Variants in ARHGAP25 observed in about 807,000 individuals in gnomAD.
The protein encoded by ARHGAP25 is rho GTPase-activating protein 25.
In ARHGAP25, 34 loss-of-function variants were observed where a neutral mutation model predicts 71.0. The ratio of observed to expected loss-of-function variants is 0.48; its 90% CI spans 0.36 to 0.64. The LOEUF is 0.64. Ranked by LOEUF, ARHGAP25 falls within the 30% of genes least tolerant of loss-of-function variation. The probability of loss-of-function intolerance (pLI) is 0.00; values close to 1 mark genes in which losing one functional copy is unlikely to be tolerated. For synonymous variants in ARHGAP25, 282 were observed against 296.5 expected (o/e 0.95, Z 0.50); for missense variants, 706 against 805.1 (o/e 0.88, Z 1.49).
At chr2:68,719,729 A>G (rs1053258574) in intron 2 of ARHGAP25, among the ~76,000 whole-genome samples, 7 of 152,130 alleles carry the variant, frequency 4.6e-5, no homozygotes, top group African/African-American at 1.7e-4. Context: ...TTACATATAC[A>G]TGAAACCTAC....
chr2:68,769,636 CGACAAAGGCTACGATACACAGGT>C, intron 1 of ARHGAP25, among the ~76,000 whole-genome samples: 1 of 152,212 alleles, frequency 6.6e-6, no homozygotes, highest in East Asian at 1.9e-4. Flanking sequence ...CCAAGCAAGG[CGACAAAGGCTACGATACACAGGT>C]GTCTCCACTG....
intron 4 of ARHGAP25, among the ~76,000 whole-genome samples, chr2:68,796,652 G>A (rs115766626): frequency 1.8e-4 from 27 of 152,296 alleles, no homozygotes; most frequent in Non-Finnish European, 2.4e-4. Context: ...GTGTTAGGGT[G>A]CAGTTATTGG....
chr2:68,729,314 T>G (rs552234140), intron 2 of ARHGAP25, among the ~76,000 whole-genome samples: 1 of 152,230 alleles, frequency 6.6e-6, no homozygotes, highest in East Asian at 1.9e-4. Flanking sequence ...CATGAGAAAC[T>G]GTCTTCAAAT....
In ARHGAP25 at chr2:68,800,607, T is replaced by C. The variant is rs115977564; in HGVS notation, c.467-6666T>C. 6.2e-3 allele frequency among the ~76,000 whole-genome samples: 944 copies of C among 152,244 alleles called. 10 individuals carry two copies. Among genetic ancestry groups the C allele is most frequent in the African/African-American group, 0.021 (879 of 41,540 alleles). On this transcript the variant is annotated intron_variant, in intron 4 of 10. Transcript: ENST00000409202. ...GGAACTCCCTTGAGACTTTATGATC[T>C]CTGAACTTTTATTCCATTAGCTTTA...
At chr2:68,778,989 T>C (rs373278757) in intron 2 of ARHGAP25, among the ~76,000 whole-genome samples, 20 of 152,216 alleles carry the variant, frequency 1.3e-4, no homozygotes, top group African/African-American at 4.1e-4. Context: ...TCTAGAGAGT[T>C]GTTTGTCAGG....
At chr2:68,752,661 G>C (rs1013726726) in intron 1 of ARHGAP25, among the ~76,000 whole-genome samples, 1 of 152,092 alleles carries the variant, frequency 6.6e-6, no homozygotes, top group Non-Finnish European at 1.5e-5. Flanking sequence ...ACAGAGAATG[G>C]GCATTTGTAA....
At chr2:68,722,172 T>C (rs1674778348) in intron 2 of ARHGAP25, among the ~76,000 whole-genome samples, 1 of 152,262 alleles carries the variant, frequency 6.6e-6, no homozygotes, top group South Asian at 2.1e-4. Flanking sequence ...GGAAGGTCTC[T>C]CAGCACACTT....
At chr2:68,793,013 T>C (rs1679295776) in intron 4 of ARHGAP25, among the ~76,000 whole-genome samples, 1 of 152,220 alleles carries the variant, frequency 6.6e-6, no homozygotes, top group African/African-American at 2.4e-5. Context: ...TTTGCATTTC[T>C]CTGATGATTA....
intron 1 of ARHGAP25, among the ~76,000 whole-genome samples, chr2:68,749,846 C>T (rs1330728764): frequency 2.0e-5 from 3 of 152,142 alleles, no homozygotes; most frequent in Non-Finnish European, 4.4e-5. Context: ...GTTGCTAAGA[C>T]CCAGAGCCAC....
At chr2:68,815,514 G>A (rs112337999) in intron 6 of ARHGAP25, among the ~76,000 whole-genome samples, 4,957 of 137,004 alleles carry the variant, frequency 0.036, 124 homozygotes, top group East Asian at 0.058. Flanking sequence ...GCAGTGGCGC[G>A]ATCTCAGCTC....
chr2:68,809,707 A>G (rs1279769579), intron 5 of ARHGAP25, among the ~76,000 whole-genome samples: 1 of 152,134 alleles, frequency 6.6e-6, no homozygotes, highest in Non-Finnish European at 1.5e-5. Flanking sequence ...TTGGGAGAGC[A>G]AGGAGCTCCC....
intron 10 of ARHGAP25, 132 bp downstream of exon 10, chr2:68,823,004 T>TA: frequency 1.0e-6 from 1 of 955,012 alleles, no homozygotes; most frequent in Non-Finnish European, 1.5e-6. Context: ...ATAGCAGGCC[T>TA]AGAAAGAAAA....
chr2:68,769,810 G>A (rs1677366375), intron 1 of ARHGAP25, among the ~76,000 whole-genome samples: 1 of 152,080 alleles, frequency 6.6e-6, no homozygotes, highest in Non-Finnish European at 1.5e-5. Context: ...GGGTGGGTAG[G>A]GAGGACATTC....
chr2:68,815,621 A>G (rs1681163506), intron 6 of ARHGAP25, among the ~76,000 whole-genome samples: 1 of 151,874 alleles, frequency 6.6e-6, no homozygotes, highest in African/African-American at 2.4e-5. Context: ...CGGCTAGTGA[A>G]TTGTGTACTC....
At chr2:68,745,881 G>A (rs1156937253) in intron 1 of ARHGAP25, among the ~76,000 whole-genome samples, 3 of 152,190 alleles carry the variant, frequency 2.0e-5, no homozygotes, top group Non-Finnish European at 4.4e-5. Context: ...TCACACGGCA[G>A]AAAGGGATGG....
intron 4 of ARHGAP25, among the ~76,000 whole-genome samples, chr2:68,798,779 C>G (rs1030703041): frequency 2.0e-5 from 3 of 152,222 alleles, no homozygotes; most frequent in South Asian, 2.1e-4. Context: ...AGAATGGTGT[C>G]TTAGTCACAG....
chr2:68,776,699 C>T (rs1220715389), intron 2 of ARHGAP25, among the ~76,000 whole-genome samples: 1 of 152,116 alleles, frequency 6.6e-6, no homozygotes, highest in Non-Finnish European at 1.5e-5. Flanking sequence ...CTGGATGTCT[C>T]AGGGCATCCA....
At chr2:68,759,349 G>GA (rs1014124494) in intron 1 of ARHGAP25, among the ~76,000 whole-genome samples, 18 of 145,526 alleles carry the variant, frequency 1.2e-4, no homozygotes, top group South Asian at 4.3e-4. Context: ...GATGGATAAT[G>GA]AAAAAAAAAA....
At position 68,808,393 on chromosome 2, in the gene ARHGAP25, T is replaced by C. The variant is rs556027777; in HGVS notation, c.674+913T>C. Among the ~76,000 whole-genome samples the C allele has an allele frequency of 2.6e-5, 4 of 152,318 alleles. No homozygotes were observed. In the South Asian group the frequency reaches 6.2e-4, roughly 24 times the overall value. ...TTGTGAAGACCTAAGTGTCATCTTG[T>C]GTAGAAGCTCCCTCACCCCTCACTC... On this transcript the variant is annotated intron_variant, in intron 5 of 10. Coordinates refer to ENST00000409202, the MANE Select transcript of ARHGAP25 (RefSeq NM_001007231.3).
Sources: gnomAD v4.1 joint callset for allele counts (sites outside exome capture counted in the v4.1 genomes callset) on GRCh38, gnomAD v4.1.1 for gene constraint, MANE v1.5 for transcripts, NCBI Gene and HGNC (gene_info 2026-07-23, HGNC 2026-07-21) for gene names.